The following PEX5L variants were observed in gnomAD, a reference collection of about 807,000 sequenced individuals.
PEX5L encodes peroxisomal biogenesis factor 5 like.
Under a neutral mutation model 84.0 loss-of-function variants are expected in PEX5L, and 30 were observed. The ratio of observed to expected loss-of-function variants is 0.36; its 90% CI spans 0.27 to 0.48. PEX5L has a LOEUF of 0.48. Ranked by LOEUF, PEX5L falls within the 20% of genes least tolerant of loss-of-function variation. The pLI is 0.99. For synonymous variants in PEX5L, 270 were observed against 283.1 expected (o/e 0.95, Z 0.46); for missense variants, 533 against 754.6 (o/e 0.71, Z 3.44).
chr3:179,922,809 C>T (rs759508357), intron 2 of PEX5L, among the ~76,000 whole-genome samples: 14 of 151,972 alleles, frequency 9.2e-5, no homozygotes, highest in Non-Finnish European at 2.1e-4. Context: ...TTCACTGAAA[C>T]TATTATAAGC....
At chr3:179,849,755 T>C (rs1171385741) in intron 8 of PEX5L, among the ~76,000 whole-genome samples, 1 of 152,220 alleles carries the variant, frequency 6.6e-6, no homozygotes, top group African/African-American at 2.4e-5. Flanking sequence ...GTTTATGTCT[T>C]TTCATGTTCA....
chr3:179,982,262 G>T (rs1327921219), intron 1 of PEX5L, among the ~76,000 whole-genome samples: 1 of 152,048 alleles, frequency 6.6e-6, no homozygotes, highest in East Asian at 1.9e-4. Flanking sequence ...AGACACTTTT[G>T]TTCTTAATAT....
At chr3:179,967,852 G>A (rs1047998678) in intron 2 of PEX5L, among the ~76,000 whole-genome samples, 2 of 152,180 alleles carry the variant, frequency 1.3e-5, no homozygotes, top group Non-Finnish European at 2.9e-5. Flanking sequence ...CAGGCTGCAC[G>A]CATCTCAGAC....
At chr3:179,990,663 C>A (rs10937015) in intron 1 of PEX5L, among the ~76,000 whole-genome samples, 60,048 of 151,986 alleles carry the variant, frequency 0.4, 12,616 homozygotes, top group African/African-American at 0.55. Flanking sequence ...CCTGCCTCCC[C>A]AAGTGCTGGA....
intron 4 of PEX5L, among the ~76,000 whole-genome samples, chr3:179,885,533 C>A (rs575023941): frequency 2.0e-5 from 3 of 152,072 alleles, no homozygotes; most frequent in Non-Finnish European, 4.4e-5. Context: ...ATAGTCCCAG[C>A]TACTTGGGAG....
chr3:179,807,334 G>A (rs565045201), intron 14 of PEX5L, among the ~76,000 whole-genome samples: 13 of 152,240 alleles, frequency 8.5e-5, no homozygotes, highest in African/African-American at 3.1e-4. Flanking sequence ...AAAGATTGAC[G>A]GGTACTATTT....
At position 179,815,971 on chromosome 3, in the gene PEX5L, C is replaced by A; in HGVS notation, c.973G>T (p.Asp325Tyr). 1.2e-6 allele frequency: 2 copies of A among 1,614,162 alleles called. No homozygotes were observed. The highest frequency in any genetic ancestry group is 1.7e-6 in the Non-Finnish European group (2 of 1,180,028). Residue 325 changes from aspartate (D) to tyrosine (Y), a missense_variant, in exon 10 of 15, where the codon GAC becomes TAC. Coordinates refer to ENST00000467460, the MANE Select transcript of PEX5L (RefSeq NM_016559.3). ...CCTTCTTCAAATGCTCCAGGCCAGT[C>A]CTTGAAGGGGTTTTCAGTGTGAAAG... ...YYFHTENPFK[D>Y]WPGAFEEGLK...
At chr3:179,920,156 G>T (rs1768810114) in intron 2 of PEX5L, among the ~76,000 whole-genome samples, 1 of 152,244 alleles carries the variant, frequency 6.6e-6, no homozygotes, top group Non-Finnish European at 1.5e-5. Context: ...GCAAAACCAA[G>T]TGGAGTGGAA....
chr3:180,028,693 C>T (rs1054538928), intron 1 of PEX5L, among the ~76,000 whole-genome samples: 1 of 152,170 alleles, frequency 6.6e-6, no homozygotes, highest in African/African-American at 2.4e-5. Flanking sequence ...TTTTCTGGGC[C>T]TCAGTTTCCC....
chr3:179,964,525 A>G (rs9824233), intron 2 of PEX5L, among the ~76,000 whole-genome samples: 115,436 of 152,118 alleles, frequency 0.76, 44,098 homozygotes, highest in East Asian at 0.96. Flanking sequence ...CATAGAATGC[A>G]AGAAGATGCT....
At chr3:179,810,002 C>CTTTTTTTTTTT (rs35662193) in intron 11 of PEX5L, among the ~76,000 whole-genome samples, 2 of 45,306 alleles carry the variant, frequency 4.4e-5, no homozygotes, top group Non-Finnish European at 3.8e-5. Context: ...TTTAATGCTG[C>CTTTTTTTTTTT]TTTTTTTTTT....
intron 7 of PEX5L, among the ~76,000 whole-genome samples, chr3:179,862,956 A>G (rs193271888): frequency 6.6e-6 from 1 of 152,348 alleles, no homozygotes; most frequent in Admixed American, 6.5e-5. Context: ...AGCTATAGTG[A>G]TCAAAATGGC....
intron 2 of PEX5L, among the ~76,000 whole-genome samples, chr3:179,956,302 T>C (rs1780537189): frequency 6.6e-6 from 1 of 152,212 alleles, no homozygotes; most frequent in Admixed American, 6.5e-5. Flanking sequence ...TTTAAGAGTT[T>C]TGCATTTTGG....
chr3:179,956,113 A>C (rs1295750744), intron 2 of PEX5L, among the ~76,000 whole-genome samples: 1 of 152,104 alleles, frequency 6.6e-6, no homozygotes, highest in Non-Finnish European at 1.5e-5. Flanking sequence ...TTCTTGGGAG[A>C]TAGAAGTAGG....
At chr3:179,918,921 G>C (rs1264035574) in intron 2 of PEX5L, among the ~76,000 whole-genome samples, 1 of 152,164 alleles carries the variant, frequency 6.6e-6, no homozygotes, top group Non-Finnish European at 1.5e-5. Context: ...GGAATGAAAA[G>C]ATAAGATTTT....
At chr3:179,923,012 A>G (rs1353142952) in intron 2 of PEX5L, among the ~76,000 whole-genome samples, 9 of 151,860 alleles carry the variant, frequency 5.9e-5, no homozygotes, top group Admixed American at 5.2e-4. Flanking sequence ...CAAGTGGGCC[A>G]GGCACAGTGG....
chr3:179,942,943 T>G (rs960634242), intron 2 of PEX5L, among the ~76,000 whole-genome samples: 2 of 152,236 alleles, frequency 1.3e-5, no homozygotes, highest in Non-Finnish European at 2.9e-5. Context: ...TTATGGGCTA[T>G]GTGTCCTCCA....
chr3:179,921,209 TCCTAAAAA>T (rs1379445156), intron 2 of PEX5L, among the ~76,000 whole-genome samples: 3 of 151,926 alleles, frequency 2.0e-5, no homozygotes, highest in African/African-American at 7.3e-5. Flanking sequence ...AGGACTCTAG[TCCTAAAAA>T]TTTGGACTTT....
At chr3:179,809,772 A>G (rs1388343851) in intron 11 of PEX5L, 104 bp from the exon 12 acceptor site, 1 of 759,276 alleles carries the variant, frequency 1.3e-6, no homozygotes, top group Non-Finnish European at 2.1e-6. Flanking sequence ...CTGCAAAAGC[A>G]TTGGTAAGCT....
Sources: gnomAD v4.1 joint callset for allele counts (sites outside exome capture counted in the v4.1 genomes callset) on GRCh38, gnomAD v4.1.1 for gene constraint, MANE v1.5 for transcripts, NCBI Gene and HGNC (gene_info 2026-07-23, HGNC 2026-07-21) for gene names.